POLD1: variants seen among roughly 807,000 people sequenced by gnomAD.
POLD1 encodes DNA polymerase delta 1, catalytic subunit, also known as DNA polymerase delta catalytic subunit.
In POLD1, 79 loss-of-function variants were observed where a neutral mutation model predicts 129.7. The ratio of observed to expected loss-of-function variants is 0.61; its 90% CI spans 0.51 to 0.73. The LOEUF (loss-of-function observed/expected upper bound fraction) is 0.73. Among genes scored for constraint, POLD1 ranks in the 30% least tolerant of loss-of-function variants. POLD1 has a pLI of 0.00. For synonymous variants in POLD1, 714 were observed against 683.3 expected (o/e 1.04, Z -0.70); for missense variants, 1,338 against 1,595.8 (o/e 0.84, Z 2.75).
In POLD1 at chr19:50,416,731, G is replaced by T. The variant is rs2122498846; in HGVS notation, c.3067+8G>T. ...CAGTGCTCAGCCACCAGGGTGAGCGGCCCTGGCCACTGGGCCCCCACTGGC... is the reference window on the plus strand; with the variant it reads ...CAGTGCTCAGCCACCAGGGTGAGCGTCCCTGGCCACTGGGCCCCCACTGGC... On this transcript the variant is annotated splice_region_variant and intron_variant, in intron 24 of 26. Coordinates refer to ENST00000440232, the MANE Select transcript of POLD1 (RefSeq NM_002691.4). The T allele has an allele frequency of 6.6e-7, 1 of 1,520,766 alleles. No homozygotes were observed. The allele number at this position is 1,520,766 out of a possible 1,614,324, so 94.2% of individuals were successfully genotyped here. A position where few individuals can be genotyped will look rare whatever the true frequency, so the allele number is the denominator to read the frequency against.
intron 1 of POLD1, among the ~76,000 whole-genome samples, chr19:50,397,027 G>C (rs147415549): frequency 6.7e-6 from 1 of 150,132 alleles, no homozygotes; most frequent in Non-Finnish European, 1.5e-5. Flanking sequence ...TCTGGGAGGC[G>C]GAGGTTGCAG....
chr19:50,393,670 A>C (rs902269088), intron 1 of POLD1, among the ~76,000 whole-genome samples: 10 of 152,192 alleles, frequency 6.6e-5, no homozygotes, highest in Non-Finnish European at 1.2e-4. Flanking sequence ...TGTCTCAATA[A>C]AGAGAGAAAG....
chr19:50,409,474 T>C lies in POLD1; in HGVS notation c.2007-45T>C, dbSNP rs1336217487. 2 of 1,612,774 alleles carry C rather than the reference T, an allele frequency of 1.2e-6. No individual in the cohort carries two copies. Among genetic ancestry groups the C allele is most frequent in the South Asian group, 1.1e-5 (1 of 91,004 alleles). On this transcript the variant is annotated intron_variant, in intron 16 of 26. Coordinates refer to ENST00000440232, the MANE Select transcript of POLD1 (RefSeq NM_002691.4). This position sits in a 1 kb window ranked among gnomAD's most constrained non-coding sequence, Gnocchi z 5.8. ...ACTTCCAGAAAGGAGCCCTGACCAATGCCCAGGTGCCGCCTGAGTGTGCTT... is the reference window on the plus strand; with the variant it reads ...ACTTCCAGAAAGGAGCCCTGACCAACGCCCAGGTGCCGCCTGAGTGTGCTT...
At chr19:50,387,413 A>T (rs2038009885) in intron 1 of POLD1, among the ~76,000 whole-genome samples, 1 of 152,098 alleles carries the variant, frequency 6.6e-6, no homozygotes, top group Non-Finnish European at 1.5e-5. Context: ...TTTGTTGCTG[A>T]ATCTCTGTTA....
intron 10 of POLD1, among the ~76,000 whole-genome samples, chr19:50,405,227 G>C (rs2038832916): frequency 6.6e-6 from 1 of 152,124 alleles, no homozygotes; most frequent in African/African-American, 2.4e-5. Flanking sequence ...TCCTCTTTGT[G>C]TAGTGACACC....
At position 50,399,320 on chromosome 19, in the gene POLD1, C is replaced by G; in HGVS notation, c.203-51C>G. Reference sequence around the variant, plus strand: ...TTTCAGAACCACATGCCATCCTGGCCGGGGAAGACCATGACTCCATGTACT... The same window carrying G: ...TTTCAGAACCACATGCCATCCTGGCGGGGGAAGACCATGACTCCATGTACT... On this transcript the variant is annotated intron_variant, in intron 2 of 26. Coordinates refer to ENST00000440232, the MANE Select transcript of POLD1 (RefSeq NM_002691.4). 8 of 1,446,802 alleles carry G rather than the reference C, an allele frequency of 5.5e-6. No homozygotes were observed. In the South Asian group the frequency reaches 5.8e-5, roughly 10 times the overall value. The allele number at this position is 1,446,802 out of a possible 1,614,324, so 89.6% of individuals were successfully genotyped here. A position where few individuals can be genotyped will look rare whatever the true frequency, so the allele number is the denominator to read the frequency against.
chr19:50,410,083 G>A (rs1323939658), intron 17 of POLD1, among the ~76,000 whole-genome samples: 3 of 152,182 alleles, frequency 2.0e-5, no homozygotes, highest in East Asian at 1.9e-4. Context: ...AATAGGCGAC[G>A]CTCACACAGA....
chr19:50,403,658 G>A, intron 10 of POLD1, 61 bp downstream of exon 10: 1 of 1,063,384 alleles, frequency 9.4e-7, no homozygotes, highest in Non-Finnish European at 1.5e-6. Flanking sequence ...TCCGGGCCCT[G>A]GGCCTCCTTC....
rs1367841548 is a variant in POLD1 at position 50,400,519 on chromosome 19, C to T, written c.316+1035C>T. Among the ~76,000 whole-genome samples, 11 of 137,330 alleles carry T rather than the reference C, an allele frequency of 8.0e-5. No homozygotes were observed. The South Asian group carries it at 2.6e-3, about 32-fold the overall frequency. The allele number at this position is 137,330 out of a possible 152,430, so 90.1% of individuals were successfully genotyped here. ...TACAGGAGTGAGTAACTGTGCCCCG[C>T]CTATTTTTTTTTTTTTTTTTTTTTT... is the stretch of plus-strand genomic sequence containing the variant. On this transcript the variant is annotated intron_variant, in intron 3 of 26. Coordinates refer to ENST00000440232, the MANE Select transcript of POLD1 (RefSeq NM_002691.4).
At chr19:50,395,223 CGGGCGCGGTGGCTGGGT>C (rs2038310123) in intron 1 of POLD1, 1 of 144,800 alleles carries the variant, frequency 6.9e-6, no homozygotes, top group African/African-American at 2.8e-5. Flanking sequence ...TAGTGTAGGC[CGGGCGCGGTGGCTGGGT>C]ACAGGTACTT....
chr19:50,407,725 A>ATTTTTTTTTTTTTTTTTTTT (rs571759517), intron 14 of POLD1, among the ~76,000 whole-genome samples: 1 of 95,332 alleles, frequency 1.0e-5, no homozygotes, highest in African/African-American at 4.7e-5. Context: ...CGCCTGGCTA[A>ATTTTTTTTTTTTTTTTTTTT]TTTTTTTTTT....
chr19:50,394,379 C>T (rs867582785), intron 1 of POLD1, among the ~76,000 whole-genome samples: 7 of 152,128 alleles, frequency 4.6e-5, no homozygotes, highest in South Asian at 2.1e-4. Context: ...AAGCCGGGCG[C>T]GGTGGCTCAC....
rs1250314528 is a variant in POLD1, at chr19:50,404,229, TTC to T, written c.1242+638_1242+639del. 2.0e-5 allele frequency among the ~76,000 whole-genome samples: 3 copies of T among 151,878 alleles called. No individual in the cohort carries two copies. The East Asian group carries it at 5.8e-4, about 29-fold the overall frequency. ...TCCCCCTGTGCCTCTTCACACCGTC[TTC>T]TCTCTGTGCGTGTCTGTTTCCACAT... On this transcript the variant is annotated intron_variant, in intron 10 of 26. Coordinates refer to ENST00000440232, the MANE Select transcript of POLD1 (RefSeq NM_002691.4).
At position 50,399,003 on chromosome 19, in the gene POLD1, AG is replaced by A; in HGVS notation, c.154del (p.Glu52SerfsTer24). 6.4e-7 allele frequency: 1 copy of A among 1,563,526 alleles called. No homozygotes were observed. The highest frequency in any genetic ancestry group is 1.9e-5 in the Admixed American group (1 of 51,860). ...MEEMEAEHRL[Q>X]EQEEEELQSV... ...GAGATGGAGGCAGAACACAGGCTGC[AG>A]GAGCAGGAGGAGGAGGAGCTGCAGT... On this transcript the variant is annotated frameshift_variant, in exon 2 of 27. Transcript: ENST00000440232. LOFTEE classifies it high-confidence loss of function.
At chr19:50,388,728 A>G (rs907274203) in intron 1 of POLD1, among the ~76,000 whole-genome samples, 2 of 151,466 alleles carry the variant, frequency 1.3e-5, no homozygotes, top group African/African-American at 4.9e-5. Context: ...ATCCAAGCAC[A>G]TGCATATACC....
Position 50,414,999 on chromosome 19 carries a change from G to T in POLD1, c.2564+9G>T, listed in dbSNP as rs1452709212. On this transcript the variant is annotated intron_variant, in intron 20 of 26. Transcript: ENST00000440232. ...CGCCTGCTCATCGACCGGTGTGTGGGGCCTCCTCCCTCAGACTCAGGGGGC... is the reference window on the plus strand; with the variant it reads ...CGCCTGCTCATCGACCGGTGTGTGGTGCCTCCTCCCTCAGACTCAGGGGGC... 1 of 1,550,616 alleles carries T rather than the reference G, an allele frequency of 6.4e-7. No individual in the cohort carries two copies. Among genetic ancestry groups the T allele is most frequent in the South Asian group, 1.2e-5 (1 of 84,478 alleles).
At chr19:50,415,644 C>T in intron 21 of POLD1, 54 bp downstream of exon 21, 1 of 1,571,472 alleles carries the variant, frequency 6.4e-7, no homozygotes, top group Middle Eastern at 2.0e-4. Flanking sequence ...TTCCTGCCAG[C>T]TGGGCCCACT....
intron 1 of POLD1, among the ~76,000 whole-genome samples, chr19:50,397,507 C>A (rs1049483090): frequency 6.6e-6 from 1 of 150,986 alleles, no homozygotes; most frequent in African/African-American, 2.4e-5. Context: ...CAGGTTCAAG[C>A]AATTCTCCTG....
chr19:50,416,480 A>G lies in POLD1; in HGVS notation c.2905A>G (p.Ile969Val), dbSNP rs2039296547. ...EQQLAKPLLR[I>V]FEPILGEGRA... is the part of the protein sequence containing the mutation. ...GCAGCTGGCCAAGCCCCTCCTGCGC[A>G]TCTTCGAGCCCATCCTGGGCGAGGG... The change falls in exon 23 of 27, where the codon ATC (isoleucine) becomes GTC (valine). Residue 969 changes from isoleucine (I) to valine (V), a missense_variant. Transcript: ENST00000440232. The G allele has an allele frequency of 1.3e-6, 2 of 1,551,678 alleles. No individual in the cohort carries two copies. Among genetic ancestry groups the G allele is most frequent in the Non-Finnish European group, 1.7e-6 (2 of 1,148,244 alleles).
Sources: allele counts gnomAD v4.1 joint callset (sites outside exome capture counted in the v4.1 genomes callset), GRCh38; gene constraint gnomAD v4.1.1; non-coding constraint Gnocchi (gnomAD v3.1); transcripts MANE v1.5; gene names NCBI Gene and HGNC (gene_info 2026-07-23, HGNC 2026-07-21).